ADAMTSL1: variants seen among roughly 807,000 people sequenced by gnomAD.
The protein encoded by ADAMTSL1 is ADAMTS-like protein 1.
Under a neutral mutation model 201.8 loss-of-function variants are expected in ADAMTSL1, and 126 were observed. The observed-to-expected ratio is 0.62, with a 90% CI of 0.54 to 0.72. The LOEUF (loss-of-function observed/expected upper bound fraction) is 0.72, where lower values mean the gene tolerates loss of function less well. ADAMTSL1 is among the 30% of genes least tolerant of loss of function. ADAMTSL1 has a pLI of 0.00. For missense variants in ADAMTSL1, 2,679 were observed against 2,277.8 expected (o/e 1.18, Z -3.59); for synonymous variants, 1,121 against 903.4 (o/e 1.24, Z -4.32).
In ADAMTSL1 at chr9:18,887,848, C is replaced by T; in HGVS notation, c.4267C>T (p.His1423Tyr). 6.2e-7 allele frequency: 1 copy of T among 1,613,900 alleles called. No individual in the cohort carries two copies. The highest frequency in any genetic ancestry group is 8.5e-7 in the Non-Finnish European group (1 of 1,179,870). ...SALLGCPIKG[H>Y]PVPNITWFHG... ...CCTTCTAGGCTGCCCCATCAAAGGT[C>T]ACCCTGTCCCTAATATCACCTGGTT... The change falls in exon 24 of 29, where the codon CAC becomes TAC. Residue 1423 changes from histidine (H) to tyrosine (Y), a missense_variant. Coordinates refer to ENST00000380548, the MANE Select transcript of ADAMTSL1 (RefSeq NM_001040272.6).
At chr9:18,679,355 G>T (rs566277348) in intron 10 of ADAMTSL1, among the ~76,000 whole-genome samples, 3 of 152,092 alleles carry the variant, frequency 2.0e-5, no homozygotes, top group African/African-American at 7.2e-5. Flanking sequence ...ATGTAAAAAA[G>T]ACCAGCTCAA....
intron 16 of ADAMTSL1, among the ~76,000 whole-genome samples, chr9:18,766,614 A>G (rs929043249): frequency 6.6e-6 from 1 of 152,210 alleles, no homozygotes; most frequent in Non-Finnish European, 1.5e-5. Flanking sequence ...TGGAGGGTAG[A>G]AAGTCCAAGG....
intron 4 of ADAMTSL1, among the ~76,000 whole-genome samples, chr9:18,598,765 C>G (rs1328904927): frequency 3.9e-5 from 6 of 152,062 alleles, no homozygotes; most frequent in Non-Finnish European, 5.9e-5. Context: ...TGGTGGCTGA[C>G]TAGTGCTGTG....
At chr9:18,391,506 T>C (rs1235074223) in intron 2 of ADAMTSL1, among the ~76,000 whole-genome samples, 5 of 152,068 alleles carry the variant, frequency 3.3e-5, no homozygotes, top group Admixed American at 3.3e-4. Flanking sequence ...AGAGCAGTGG[T>C]GCCATAATAG....
intron 2 of ADAMTSL1, among the ~76,000 whole-genome samples, chr9:18,346,840 G>A (rs1054258051): frequency 2.6e-5 from 4 of 152,078 alleles, no homozygotes; most frequent in Admixed American, 1.3e-4. Flanking sequence ...TTCTGAACTC[G>A]AAAGGCTCAA....
chr9:18,029,189 C>A (rs935390543), intron 1 of ADAMTSL1, among the ~76,000 whole-genome samples: 1 of 152,122 alleles, frequency 6.6e-6, no homozygotes, highest in Non-Finnish European at 1.5e-5. Flanking sequence ...TCTAGATATA[C>A]AATCATGTCA....
chr9:18,112,770 T>C (rs1825080913), intron 1 of ADAMTSL1, among the ~76,000 whole-genome samples: 1 of 152,162 alleles, frequency 6.6e-6, no homozygotes, highest in East Asian at 1.9e-4. Flanking sequence ...CCCTCTACCA[T>C]GTAAATGTTA....
At chr9:18,275,379 C>T (rs1832545329) in intron 2 of ADAMTSL1, among the ~76,000 whole-genome samples, 2 of 152,060 alleles carry the variant, frequency 1.3e-5, no homozygotes, top group Non-Finnish European at 2.9e-5. Context: ...ATAAAATTAG[C>T]CCATTTTAAG....
intron 23 of ADAMTSL1, among the ~76,000 whole-genome samples, chr9:18,886,357 G>C (rs1344504075): frequency 1.3e-5 from 2 of 151,558 alleles, no homozygotes; most frequent in Non-Finnish European, 2.9e-5. Flanking sequence ...CTGCACTCCA[G>C]CTTGGGTGAC....
chr9:18,658,390 A>T (rs1362792147), intron 8 of ADAMTSL1, among the ~76,000 whole-genome samples: 1 of 152,106 alleles, frequency 6.6e-6, no homozygotes, highest in Non-Finnish European at 1.5e-5. Flanking sequence ...CATATAAACT[A>T]CTCATGTGGT....
intron 1 of ADAMTSL1, among the ~76,000 whole-genome samples, chr9:18,008,902 G>A (rs757827158): frequency 6.6e-6 from 1 of 151,946 alleles, no homozygotes; most frequent in Non-Finnish European, 1.5e-5. Context: ...AATTTGCTTT[G>A]TTTCACTGTT....
intron 26 of ADAMTSL1, among the ~76,000 whole-genome samples, chr9:18,903,033 C>T (rs1830098241): frequency 1.3e-5 from 2 of 152,006 alleles, no homozygotes; most frequent in Non-Finnish European, 2.9e-5. Context: ...GGCAAAACCC[C>T]ATCTCTACTA....
intron 3 of ADAMTSL1, among the ~76,000 whole-genome samples, chr9:18,565,054 C>A (rs113506245): frequency 2.0e-5 from 3 of 152,298 alleles, no homozygotes; most frequent in African/African-American, 7.2e-5. Context: ...GATCAACTCT[C>A]AGATGCCTGG....
intron 9 of ADAMTSL1, among the ~76,000 whole-genome samples, chr9:18,673,228 C>A (rs962713634): frequency 4.6e-5 from 7 of 151,946 alleles, no homozygotes; most frequent in African/African-American, 1.7e-4. Flanking sequence ...ATGATTCACA[C>A]TTTGCTTAAG....
At chr9:18,895,791 AT>A (rs1329524041) in intron 26 of ADAMTSL1, among the ~76,000 whole-genome samples, 1 of 152,220 alleles carries the variant, frequency 6.6e-6, no homozygotes. Flanking sequence ...AGAAATGGCT[AT>A]TTTTCAAATG....
chr9:18,800,058 A>C (rs1822686641), intron 20 of ADAMTSL1, among the ~76,000 whole-genome samples: 1 of 152,090 alleles, frequency 6.6e-6, no homozygotes. Flanking sequence ...TAACAAAGGA[A>C]GATTTGCTCC....
chr9:18,707,320 G>C (rs547268734), intron 14 of ADAMTSL1, among the ~76,000 whole-genome samples: 1 of 152,172 alleles, frequency 6.6e-6, no homozygotes, highest in African/African-American at 2.4e-5. Context: ...ACATATCATC[G>C]TGTATCTGGC....
chr9:18,337,257 A>C (rs1214809321), intron 2 of ADAMTSL1, among the ~76,000 whole-genome samples: 1 of 152,110 alleles, frequency 6.6e-6, no homozygotes, highest in Admixed American at 6.5e-5. Flanking sequence ...TCTTGGACTT[A>C]CACTTGTGGT....
chr9:18,334,314 C>T (rs1835144618), intron 2 of ADAMTSL1, among the ~76,000 whole-genome samples: 1 of 152,136 alleles, frequency 6.6e-6, no homozygotes. Context: ...AAACCCTAAA[C>T]AGAGAGATGG....
Sources: gnomAD v4.1 joint callset for allele counts (sites outside exome capture counted in the v4.1 genomes callset) on GRCh38, gnomAD v4.1.1 for gene constraint, MANE v1.5 for transcripts, NCBI Gene and HGNC (gene_info 2026-07-23, HGNC 2026-07-21) for gene names.